Variants in HTR4 observed in about 807,000 individuals in gnomAD.
The protein encoded by HTR4 is 5-hydroxytryptamine receptor 4, also known as 5-hydroxytryptamine (serotonin) receptor 4, G protein-coupled.
In HTR4, 16 loss-of-function variants were observed where a neutral mutation model predicts 36.8. That is an observed-to-expected ratio of 0.43 (90% CI 0.29 to 0.66). The LOEUF is 0.66. Ranked by LOEUF, HTR4 falls within the 30% of genes least tolerant of loss-of-function variation. The probability of loss-of-function intolerance (pLI) is 0.13; values close to 1 mark genes in which losing one functional copy is unlikely to be tolerated. For missense variants in HTR4, 438 were observed against 490.9 expected (o/e 0.89, Z 1.02); for synonymous variants, 189 against 185.1 (o/e 1.02, Z -0.17).
chr5:148,597,062 C>T (rs1445074358), intron 2 of HTR4, among the ~76,000 whole-genome samples: 2 of 152,160 alleles, frequency 1.3e-5, no homozygotes, highest in Non-Finnish European at 2.9e-5. Flanking sequence ...AAATTCTACC[C>T]ACCCCCTGAA....
intron 5 of HTR4, among the ~76,000 whole-genome samples, chr5:148,462,664 T>TA (rs1259852040): frequency 3.9e-5 from 6 of 152,124 alleles, no homozygotes; most frequent in Non-Finnish European, 8.8e-5. Flanking sequence ...TGACTCATTC[T>TA]ATGAGCATTA....
chr5:148,555,614 C>A (rs1419034412), intron 2 of HTR4, among the ~76,000 whole-genome samples: 1 of 152,220 alleles, frequency 6.6e-6, no homozygotes, highest in African/African-American at 2.4e-5. Context: ...CTGTCAACCA[C>A]AACTGGACAG....
intron 2 of HTR4, among the ~76,000 whole-genome samples, chr5:148,574,870 A>G (rs56132727): frequency 6.6e-6 from 1 of 152,142 alleles, no homozygotes; most frequent in African/African-American, 2.4e-5. Context: ...GACATAAAAT[A>G]ATTTTCTCTG....
intron 4 of HTR4, among the ~76,000 whole-genome samples, chr5:148,538,479 TAG>T (rs1401803326): frequency 6.6e-6 from 1 of 152,082 alleles, no homozygotes; most frequent in Non-Finnish European, 1.5e-5. Flanking sequence ...GAAAACCCCA[TAG>T]TATTGCCCCA....
chr5:148,466,323 A>G (rs1755427613), intron 5 of HTR4, among the ~76,000 whole-genome samples: 1 of 152,176 alleles, frequency 6.6e-6, no homozygotes, highest in African/African-American at 2.4e-5. Flanking sequence ...CTTCCTCCAT[A>G]TAGTCATCTC....
intron 2 of HTR4, among the ~76,000 whole-genome samples, chr5:148,621,531 C>T (rs1158238704): frequency 1.3e-5 from 2 of 152,150 alleles, no homozygotes; most frequent in South Asian, 2.1e-4. Flanking sequence ...ATAGAGAGAC[C>T]AATTCTAACG....
intron 6 of HTR4, among the ~76,000 whole-genome samples, chr5:148,492,584 T>C (rs1756504035): frequency 1.3e-5 from 2 of 152,202 alleles, no homozygotes; most frequent in South Asian, 2.1e-4. Context: ...TACCAAGATA[T>C]GAATGATGCT....
chr5:148,460,961 A>C (rs1451910915), intron 5 of HTR4, among the ~76,000 whole-genome samples: 1 of 152,088 alleles, frequency 6.6e-6, no homozygotes, highest in Non-Finnish European at 1.5e-5. Flanking sequence ...AATGACAGCA[A>C]TGAAATAAGG....
chr5:148,561,104 G>T (rs527947719), intron 2 of HTR4, among the ~76,000 whole-genome samples: 14 of 152,128 alleles, frequency 9.2e-5, no homozygotes, highest in Non-Finnish European at 1.6e-4. Context: ...GCAGGGAGGT[G>T]GTTGGTGCAC....
chr5:148,625,586 T>C (rs1753072333), intron 2 of HTR4, among the ~76,000 whole-genome samples: 1 of 152,120 alleles, frequency 6.6e-6, no homozygotes, highest in Admixed American at 6.5e-5. Flanking sequence ...TTGGGGTTTT[T>C]TTGTTTGTTT....
intron 2 of HTR4, among the ~76,000 whole-genome samples, chr5:148,621,804 TC>T (rs1341235282): frequency 6.6e-6 from 1 of 152,174 alleles, no homozygotes; most frequent in Non-Finnish European, 1.5e-5. Context: ...TTTATCCTTT[TC>T]AAAAAATGGT....
Position 148,654,418 on chromosome 5 carries a change from G to T in HTR4, c.-404C>A. ...GGGCGCCAGGGACAGCGGGGGTGCC[G>T]CTCTGCCGGCAGGGCGCACAGGGGA... is the stretch of plus-strand genomic sequence containing the variant. On this transcript the variant is annotated 5_prime_UTR_variant, in exon 1 of 7. Transcript: ENST00000377888. 2 of 985,496 alleles carry T rather than the reference G, an allele frequency of 2.0e-6. No individual in the cohort carries two copies. The highest frequency in any genetic ancestry group is 2.4e-6 in the Non-Finnish European group (2 of 829,978). 61.0% of individuals were successfully genotyped at this position (985,496 alleles called of 1,614,324 possible). A position where few individuals can be genotyped will look rare whatever the true frequency, so the allele number is the denominator to read the frequency against.
intron 2 of HTR4, among the ~76,000 whole-genome samples, chr5:148,564,908 G>A (rs1468147849): frequency 6.6e-6 from 1 of 151,930 alleles, no homozygotes; most frequent in Non-Finnish European, 1.5e-5. Context: ...TCAGGAGTTC[G>A]AGACCAGCCT....
At chr5:148,489,862 A>G (rs1385716078) in intron 6 of HTR4, among the ~76,000 whole-genome samples, 2 of 152,024 alleles carry the variant, frequency 1.3e-5, no homozygotes, top group African/African-American at 4.8e-5. Flanking sequence ...AGGTTATCCT[A>G]TTACAACCCA....
In HTR4 at chr5:148,654,440, G is replaced by A. The variant is rs1172477563; in HGVS notation, c.-426C>T. On this transcript the variant is annotated 5_prime_UTR_variant, in exon 1 of 7. Transcript: ENST00000377888. ...GCCGCTCTGCCGGCAGGGCGCACAG[G>A]GGAGTGGGCACAGAGGCGGGCTGGA... is the stretch of plus-strand genomic sequence containing the variant. The A allele has an allele frequency of 3.0e-6, 3 of 985,384 alleles. No individual in the cohort carries two copies. The highest frequency in any genetic ancestry group is 3.6e-6 in the Non-Finnish European group (3 of 830,012). 61.0% of individuals were successfully genotyped at this position (985,384 alleles called of 1,614,324 possible).
rs144376012 is a variant in HTR4 at position 148,529,616 on chromosome 5, G to T, written c.354-6270C>A. On this transcript the variant is annotated intron_variant, in intron 4 of 6. Coordinates refer to ENST00000377888, the MANE Select transcript of HTR4 (RefSeq NM_000870.7). The stretch of plus-strand genomic sequence containing the variant: ...TTGGGTATGTCTTTATCAGCAGCAT[G>T]AAAATGGACTAATACAGTAAATTGG... Among the ~76,000 whole-genome samples, 142 of 152,320 alleles carry T rather than the reference G, an allele frequency of 9.3e-4. 1 individual carries two copies. The highest frequency in any genetic ancestry group is 1.7e-3 in the Non-Finnish European group (114 of 68,024).
intron 2 of HTR4, among the ~76,000 whole-genome samples, chr5:148,565,938 T>C (rs1248968006): frequency 6.6e-6 from 1 of 152,184 alleles, no homozygotes; most frequent in Non-Finnish European, 1.5e-5. Flanking sequence ...ATTGCAGTAC[T>C]TGTCAATGCA....
intron 2 of HTR4, among the ~76,000 whole-genome samples, chr5:148,616,790 T>G (rs1387302529): frequency 6.6e-6 from 1 of 152,144 alleles, no homozygotes; most frequent in Non-Finnish European, 1.5e-5. Context: ...ATCACCCATA[T>G]AAAAAAGTTA....
intron 2 of HTR4, chr5:148,630,470 T>C (rs948223595): frequency 1.3e-5 from 2 of 152,176 alleles, no homozygotes; most frequent in Non-Finnish European, 2.9e-5. Context: ...TCATTCCAAC[T>C]AAGCCACTTA....
Sources: allele counts gnomAD v4.1 joint callset (sites outside exome capture counted in the v4.1 genomes callset), GRCh38; gene constraint gnomAD v4.1.1; transcripts MANE v1.5; gene names NCBI Gene and HGNC (gene_info 2026-07-23, HGNC 2026-07-21).